The following SERAC1 variants were observed in gnomAD, a reference collection of about 807,000 sequenced individuals.
The protein encoded by SERAC1 is serine active site containing 1.
Under a neutral mutation model 85.7 loss-of-function variants are expected in SERAC1, and 36 were observed. The ratio of observed to expected loss-of-function variants is 0.42; its 90% CI spans 0.32 to 0.55. The LOEUF (loss-of-function observed/expected upper bound fraction) is 0.55, where lower values mean the gene tolerates loss of function less well. Among genes scored for constraint, SERAC1 ranks in the 20% least tolerant of loss-of-function variants. SERAC1 has a pLI of 0.11. For missense variants in SERAC1, 629 were observed against 796.2 expected (o/e 0.79, Z 2.53); for synonymous variants, 242 against 265.3 (o/e 0.91, Z 0.85).
At chr6:158,114,566 ATAT>A (rs1264466594) in intron 15 of SERAC1, 4 of 1,231,972 alleles carry the variant, frequency 3.2e-6, no homozygotes, top group Non-Finnish European at 4.1e-6. Flanking sequence ...ATTTAAGATA[ATAT>A]TAAAATTATT....
chr6:158,120,715 A>ACC lies in SERAC1; in HGVS notation c.1016-142_1016-141dup. On this transcript the variant is annotated intron_variant, in intron 10 of 16. Coordinates refer to ENST00000647468, the MANE Select transcript of SERAC1 (RefSeq NM_032861.4). The surrounding 1 kb of genome is among the most constrained non-coding windows in gnomAD (Gnocchi z 4.4). ...TTGGCGGAGAAGTCCGACTATTCCA[A>ACC]CCCCATTCTGCCCTACGATCCTCTG... 1 of 862,910 alleles carries ACC rather than the reference A, an allele frequency of 1.2e-6. No individual in the cohort carries two copies. Among genetic ancestry groups the ACC allele is most frequent in the Non-Finnish European group, 1.7e-6 (1 of 575,704 alleles). The allele number at this position is 862,910 out of a possible 1,614,324, so 53.5% of individuals were successfully genotyped here. A position where few individuals can be genotyped will look rare whatever the true frequency, so the allele number is the denominator to read the frequency against.
At chr6:158,164,995 C>T (rs979107658) in intron 1 of SERAC1, among the ~76,000 whole-genome samples, 2 of 152,118 alleles carry the variant, frequency 1.3e-5, no homozygotes, top group Admixed American at 6.5e-5. Context: ...TTATTAAGGA[C>T]GGTAGAGCAG....
chr6:158,144,117 C>G (rs1466894936), intron 7 of SERAC1, among the ~76,000 whole-genome samples, 182 bp downstream of exon 7: 1 of 152,120 alleles, frequency 6.6e-6, no homozygotes, highest in Non-Finnish European at 1.5e-5. Flanking sequence ...ATAGAAGGAA[C>G]AGCCCCTCCT....
intron 8 of SERAC1, among the ~76,000 whole-genome samples, chr6:158,133,378 A>ATTTTTT (rs767768720): frequency 1.2e-4 from 8 of 66,400 alleles, no homozygotes; most frequent in Non-Finnish European, 1.7e-4. Flanking sequence ...TCTGGTGTTA[A>ATTTTTT]TTTTTTTTTT....
chr6:158,153,322 T>C (rs1180402534), intron 3 of SERAC1, among the ~76,000 whole-genome samples: 1 of 152,200 alleles, frequency 6.6e-6, no homozygotes, highest in Non-Finnish European at 1.5e-5. Flanking sequence ...CAATTATCCA[T>C]TGCATGGATA....
Position 158,168,254 on chromosome 6 carries a change from C to T in SERAC1, c.-116G>A, listed in dbSNP as rs909286715. ...ACCCTCCACCCGGCGGCTGGCGGCT[C>T]GTGACCCCGCCCCCTCGGCCCGCTC... is the stretch of plus-strand genomic sequence containing the variant. On this transcript the variant is annotated 5_prime_UTR_variant, in exon 1 of 17. Transcript: ENST00000647468. 1.3e-5 allele frequency: 2 copies of T among 152,360 alleles called. No individual in the cohort carries two copies. The highest frequency in any genetic ancestry group is 2.4e-5 in the African/African-American group (1 of 41,440). The allele number at this position is 152,360 out of a possible 1,614,324, so 9.4% of individuals were successfully genotyped here.
chr6:158,113,467 C>G lies in SERAC1; in HGVS notation c.1810G>C (p.Val604Leu). The G allele has an allele frequency of 1.2e-6, 2 of 1,613,568 alleles. No individual in the cohort carries two copies. Among genetic ancestry groups the G allele is most frequent in the Non-Finnish European group, 1.7e-6 (2 of 1,179,604 alleles). Residue 604 changes from valine (V) to leucine (L), a missense_variant, in exon 16 of 17, where the codon GTA (valine) becomes CTA (leucine). Transcript: ENST00000647468. ...YIGSMIKLHV[V>L]PVESADLGIG... ...TGAATACCTGCTGATTCCACAGGTA[C>G]CACATGGAGCTTAATCATGCTGCCA...
rs145898783 is a variant in SERAC1 at position 158,116,111 on chromosome 6, ATAACT to A, written c.1501+69_1501+73del. ...CTATTAAGTAAAATGGAAAGATAAA[ATAACT>A]TTAGGTTGGCCACAGTGGCTGAAAA... On this transcript the variant is annotated intron_variant, in intron 14 of 16. Coordinates refer to ENST00000647468, the MANE Select transcript of SERAC1 (RefSeq NM_032861.4). 1,859 of 1,213,222 alleles carry A rather than the reference ATAACT, an allele frequency of 1.5e-3. 23 individuals are homozygous for A. The African/African-American group carries it at 0.025, about 16-fold the overall frequency. The allele number at this position is 1,213,222 out of a possible 1,614,324, so 75.2% of individuals were successfully genotyped here.
chr6:158,130,650 G>T (rs1366108384), intron 8 of SERAC1, among the ~76,000 whole-genome samples, 164 bp from the exon 9 acceptor site: 1 of 152,164 alleles, frequency 6.6e-6, no homozygotes, highest in Non-Finnish European at 1.5e-5. Flanking sequence ...CAAACTGTGG[G>T]TTATCAGAAT....
chr6:158,141,169 C>T (rs1784906577), intron 8 of SERAC1, among the ~76,000 whole-genome samples: 1 of 152,150 alleles, frequency 6.6e-6, no homozygotes, highest in Admixed American at 6.5e-5. Context: ...AAACATTATG[C>T]TAAGTGAAGG....
chr6:158,118,922 T>A, intron 12 of SERAC1, 107 bp downstream of exon 12: 3 of 1,353,430 alleles, frequency 2.2e-6, no homozygotes, highest in Non-Finnish European at 3.0e-6. Flanking sequence ...AAAGAAGAAC[T>A]GCATGGGAAA....
intron 2 of SERAC1, among the ~76,000 whole-genome samples, chr6:158,155,887 G>A (rs1785319713): frequency 6.6e-6 from 1 of 152,224 alleles, no homozygotes; most frequent in Non-Finnish European, 1.5e-5. Flanking sequence ...GCTCACGCCT[G>A]TAGTTCCAAC....
chr6:158,125,980 G>A (rs1329644761), intron 10 of SERAC1, among the ~76,000 whole-genome samples: 2 of 151,952 alleles, frequency 1.3e-5, no homozygotes, highest in Admixed American at 6.6e-5. Context: ...GAAAAAGAGG[G>A]ACAAATAGAA....
intron 4 of SERAC1, among the ~76,000 whole-genome samples, chr6:158,149,236 C>T (rs960170882): frequency 7.9e-5 from 12 of 152,200 alleles, no homozygotes; most frequent in Non-Finnish European, 1.6e-4. Flanking sequence ...TCATGATCCG[C>T]CCTCCTCGGC....
chr6:158,167,927 G>C (rs1233349603), intron 1 of SERAC1, among the ~76,000 whole-genome samples: 1 of 152,092 alleles, frequency 6.6e-6, no homozygotes, highest in African/African-American at 2.4e-5. Context: ...CCAGAGAAAG[G>C]CAGCGACAGG....
chr6:158,116,756 A>C (rs1257900589), intron 13 of SERAC1: 1 of 154,762 alleles, frequency 6.5e-6, no homozygotes, highest in African/African-American at 2.4e-5. Context: ...AAGGCCTGAC[A>C]ATGAAAGTAT....
chr6:158,152,390 C>A (rs1475885184), intron 3 of SERAC1, among the ~76,000 whole-genome samples: 1 of 152,150 alleles, frequency 6.6e-6, no homozygotes, highest in African/African-American at 2.4e-5. Context: ...GTGGCGGGCG[C>A]CTGTAATCCC....
At chr6:158,125,647 T>C (rs141043117) in intron 10 of SERAC1, among the ~76,000 whole-genome samples, 31 of 152,312 alleles carry the variant, frequency 2.0e-4, no homozygotes, top group African/African-American at 7.5e-4. Flanking sequence ...GAAGATCACT[T>C]GAGCCTAGGA....
chr6:158,121,461 A>G (rs2128412813), intron 10 of SERAC1, among the ~76,000 whole-genome samples: 1 of 152,318 alleles, frequency 6.6e-6, no homozygotes, highest in Non-Finnish European at 1.5e-5. Context: ...CAAGTTATTT[A>G]GCAACTGAAC....
Sources: gnomAD v4.1 joint callset for allele counts (sites outside exome capture counted in the v4.1 genomes callset) on GRCh38, gnomAD v4.1.1 for gene constraint, Gnocchi (gnomAD v3.1) non-coding constraint, MANE v1.5 for transcripts, NCBI Gene and HGNC (gene_info 2026-07-23, HGNC 2026-07-21) for gene names.